RNF216: variants seen among roughly 807,000 people sequenced by gnomAD.
RNF216 encodes the protein E3 ubiquitin-protein ligase RNF216.
RNF216 carries 72 observed loss-of-function variants against 110.8 expected under a neutral mutation model. The ratio of observed to expected loss-of-function variants is 0.65; its 90% CI spans 0.54 to 0.79. RNF216 has a LOEUF of 0.79. RNF216 is among the 30% of genes least tolerant of loss of function. The pLI is 0.00. For synonymous variants in RNF216, 495 were observed against 407.5 expected (o/e 1.21, Z -2.59); for missense variants, 1,342 against 1,141.2 (o/e 1.18, Z -2.54).
intron 15 of RNF216, among the ~76,000 whole-genome samples, chr7:5,631,883 C>A (rs1787093867): frequency 6.6e-6 from 1 of 152,186 alleles, no homozygotes; most frequent in Non-Finnish European, 1.5e-5. Flanking sequence ...ACGCTCTGCC[C>A]CCACGAGGTC....
At position 5,741,670 on chromosome 7, in the gene RNF216, T is replaced by A; in HGVS notation, c.347A>T (p.Asn116Ile). 1 of 1,614,164 alleles carries A rather than the reference T, an allele frequency of 6.2e-7. No individual in the cohort carries two copies. Among genetic ancestry groups the A allele is most frequent in the South Asian group, 1.1e-5 (1 of 91,078 alleles). The change falls in exon 4 of 17, where the codon AAC (asparagine) becomes ATC (isoleucine). Residue 116 changes from asparagine to isoleucine, a missense_variant. Coordinates refer to ENST00000389902, the MANE Select transcript of RNF216 (RefSeq NM_207111.4). ...CTGTGCCCCAGAATCAAACAATGGG[T>A]TGTTACACACTGAAAAATAGCTGCT... The part of the protein sequence containing the change: ...DKSSYFSVCN[N>I]PLFDSGAQDD...
intron 13 of RNF216, among the ~76,000 whole-genome samples, chr7:5,688,718 G>T: frequency 6.6e-6 from 1 of 152,012 alleles, no homozygotes; most frequent in Non-Finnish European, 1.5e-5. Flanking sequence ...CTTATTATCA[G>T]GCTTGTCTTA....
chr7:5,759,071 C>A (rs564907651), intron 2 of RNF216, among the ~76,000 whole-genome samples: 11 of 152,252 alleles, frequency 7.2e-5, no homozygotes, highest in Admixed American at 7.2e-4. Flanking sequence ...CTGGTTGCAA[C>A]AGTGAGTTCT....
intron 13 of RNF216, among the ~76,000 whole-genome samples, chr7:5,663,053 T>C (rs1789253069): frequency 6.6e-6 from 1 of 152,124 alleles, no homozygotes; most frequent in African/African-American, 2.4e-5. Flanking sequence ...CCAGTTCTCC[T>C]TTCAAATACC....
At chr7:5,738,537 T>A (rs1001817523) in intron 5 of RNF216, among the ~76,000 whole-genome samples, 41 of 151,842 alleles carry the variant, frequency 2.7e-4, no homozygotes, top group African/African-American at 8.7e-4. Context: ...TGAAACCCCA[T>A]CTCTACTAAA....
Position 5,711,798 on chromosome 7 carries a change from A to C in RNF216, c.2024T>G (p.Val675Gly). Residue 675 changes from valine to glycine, a missense_variant, in exon 13 of 17, where the codon GTG becomes GGG. Coordinates refer to ENST00000389902, the MANE Select transcript of RNF216 (RefSeq NM_207111.4). Reference protein sequence around the residue: ...CSFPALLDSDVKRFSCPNPHC... With the variant: ...CSFPALLDSDGKRFSCPNPHC... ...AGGATTAGGACAGCTGAACCTCTTC[A>C]CATCACTGTCCAACAGAGCCGGAAA... The C allele has an allele frequency of 1.2e-6, 2 of 1,613,974 alleles. No individual in the cohort carries two copies. Among genetic ancestry groups the C allele is most frequent in the Non-Finnish European group, 1.7e-6 (2 of 1,179,952 alleles).
intron 1 of RNF216, among the ~76,000 whole-genome samples, chr7:5,776,997 C>T (rs1259307493): frequency 6.6e-6 from 1 of 151,324 alleles, no homozygotes; most frequent in African/African-American, 2.4e-5. Flanking sequence ...AGAGAAAGAG[C>T]GAGTGAGCAC....
At position 5,622,413 on chromosome 7, in the gene RNF216, CCT is replaced by C. The variant is rs1184802812; in HGVS notation, c.*445_*446del. The C allele has an allele frequency of 1.2e-5, 2 of 160,778 alleles. No homozygotes were observed. Among genetic ancestry groups the C allele is most frequent in the Non-Finnish European group, 2.7e-5 (2 of 73,952 alleles). The allele number at this position is 160,778 out of a possible 1,614,324, so 10.0% of individuals were successfully genotyped here. Reference sequence around the variant, plus strand: ...GCGGGCCATGGTCCCAGCCCCCCACCCTGAGCAATGCTTCCCAGGCCCGCAGG... The same window carrying C: ...GCGGGCCATGGTCCCAGCCCCCCACCGAGCAATGCTTCCCAGGCCCGCAGG... On this transcript the variant is annotated 3_prime_UTR_variant, in exon 17 of 17. Coordinates refer to ENST00000389902, the MANE Select transcript of RNF216 (RefSeq NM_207111.4).
intron 2 of RNF216, among the ~76,000 whole-genome samples, chr7:5,758,541 G>C (rs554743171): frequency 6.6e-6 from 1 of 152,212 alleles, no homozygotes. Context: ...GACTGCACGA[G>C]ACTTTCAGGA....
intron 14 of RNF216, among the ~76,000 whole-genome samples, chr7:5,642,606 T>G (rs6949086): frequency 6.6e-6 from 1 of 151,398 alleles, no homozygotes; most frequent in African/African-American, 2.4e-5. Flanking sequence ...CACAGGTGTG[T>G]GCCACCACAT....
chr7:5,692,442 T>C lies in RNF216; in HGVS notation c.2061+19319A>G, dbSNP rs556853618. 9.8e-4 allele frequency among the ~76,000 whole-genome samples: 149 copies of C among 152,334 alleles called. 1 individual carries two copies. Among genetic ancestry groups the C allele is most frequent in the African/African-American group, 3.1e-3 (129 of 41,572 alleles). ...CATACTCTGTGGGAAAAGGCAGCAGTTGGAAACAGTCTTGAATTCTAACTA... is the reference window on the plus strand; with the variant it reads ...CATACTCTGTGGGAAAAGGCAGCAGCTGGAAACAGTCTTGAATTCTAACTA... On this transcript the variant is annotated intron_variant, in intron 13 of 16. Transcript: ENST00000389902.
At chr7:5,661,181 C>G (rs2128585646) in intron 13 of RNF216, among the ~76,000 whole-genome samples, 2 of 152,132 alleles carry the variant, frequency 1.3e-5, no homozygotes, top group East Asian at 3.9e-4. Context: ...CTCAAGTGAT[C>G]TGCCCACCTC....
intron 3 of RNF216, among the ~76,000 whole-genome samples, chr7:5,742,782 G>A (rs944814617): frequency 6.6e-6 from 1 of 151,778 alleles, no homozygotes; most frequent in East Asian, 2.0e-4. Flanking sequence ...TTTTGTTAGA[G>A]ACAGGGTTTT....
chr7:5,751,302 C>G (rs1187692779), intron 3 of RNF216, among the ~76,000 whole-genome samples: 1 of 152,110 alleles, frequency 6.6e-6, no homozygotes, highest in Non-Finnish European at 1.5e-5. Flanking sequence ...AAGGTTTGGT[C>G]AGGTCCTGGG....
At chr7:5,701,577 G>T (rs1304694808) in intron 13 of RNF216, among the ~76,000 whole-genome samples, 2 of 152,212 alleles carry the variant, frequency 1.3e-5, no homozygotes, top group African/African-American at 4.8e-5. Flanking sequence ...CGTTCTTATT[G>T]TACACGGAAA....
chr7:5,739,561 T>C lies in RNF216; in HGVS notation c.1045-209A>G, dbSNP rs577104284. On this transcript the variant is annotated intron_variant, in intron 4 of 16. Coordinates refer to ENST00000389902, the MANE Select transcript of RNF216 (RefSeq NM_207111.4). Reference sequence around the variant, plus strand: ...AGGTCTAGAAAGGTCTTGAGAGATCTGGTTCTCTGTCCCCATTTTACAGAT... The same window carrying C: ...AGGTCTAGAAAGGTCTTGAGAGATCCGGTTCTCTGTCCCCATTTTACAGAT... The C allele has an allele frequency of 3.2e-4, 205 of 642,296 alleles. 3 individuals carry two copies. Among genetic ancestry groups the C allele is most frequent in the South Asian group, 6.3e-4 (42 of 66,226 alleles). The allele number at this position is 642,296 out of a possible 1,614,324, so 39.8% of individuals were successfully genotyped here. A position where few individuals can be genotyped will look rare whatever the true frequency, so the allele number is the denominator to read the frequency against.
chr7:5,769,604 G>T (rs1004687549), intron 1 of RNF216, among the ~76,000 whole-genome samples: 24 of 151,810 alleles, frequency 1.6e-4, no homozygotes, highest in Non-Finnish European at 3.5e-4. Context: ...TGCACCTGTG[G>T]TACCAGCTAC....
intron 1 of RNF216, among the ~76,000 whole-genome samples, chr7:5,770,154 G>A (rs556054250): frequency 2.0e-4 from 30 of 150,224 alleles, no homozygotes; most frequent in African/African-American, 5.9e-4. Flanking sequence ...TAAGGCCAGC[G>A]AAACCCCATC....
intron 13 of RNF216, among the ~76,000 whole-genome samples, chr7:5,661,968 G>T (rs1427986386): frequency 6.6e-6 from 1 of 152,228 alleles, no homozygotes; most frequent in African/African-American, 2.4e-5. Context: ...GCGAAAGCAG[G>T]TCACTGTTTA....
Sources: allele counts gnomAD v4.1 joint callset (sites outside exome capture counted in the v4.1 genomes callset), GRCh38; gene constraint gnomAD v4.1.1; transcripts MANE v1.5; gene names NCBI Gene and HGNC (gene_info 2026-07-23, HGNC 2026-07-21).